The following CMTR1 variants were observed in gnomAD, a reference collection of about 807,000 sequenced individuals.
The protein encoded by CMTR1 is cap methyltransferase 1.
Under a neutral mutation model 107.0 loss-of-function variants are expected in CMTR1, and 39 were observed. That is an observed-to-expected ratio of 0.36 (90% CI 0.28 to 0.48). CMTR1 has a LOEUF of 0.48. CMTR1 is among the 20% of genes least tolerant of loss of function. CMTR1 has a pLI of 0.99. For missense variants in CMTR1, 672 were observed against 1,064.9 expected (o/e 0.63, Z 5.14); for synonymous variants, 366 against 379.5 (o/e 0.96, Z 0.41).
At chr6:37,461,807 C>CA in intron 11 of CMTR1, 162 bp downstream of exon 11, 4 of 896,376 alleles carry the variant, frequency 4.5e-6, no homozygotes, top group Non-Finnish European at 6.9e-6. Context: ...GTGGAATCCT[C>CA]AAAGTCCCCT....
chr6:37,479,571 T>C (rs2797792), intron 23 of CMTR1, among the ~76,000 whole-genome samples: 12,449 of 152,272 alleles, frequency 0.082, 1,629 homozygotes, highest in African/African-American at 0.27. Context: ...ACTGGCCTGA[T>C]GGTGGGAACC....
chr6:37,433,919 T>C (rs1771458404), intron 1 of CMTR1, among the ~76,000 whole-genome samples: 1 of 152,140 alleles, frequency 6.6e-6, no homozygotes, highest in Non-Finnish European at 1.5e-5. Context: ...AAATCTAAGG[T>C]GATGTGGTTT....
the CMTR1 span, among the ~76,000 whole-genome samples, chr6:37,426,739 C>A: frequency 1.6e-3 from 242 of 152,268 alleles, 1 homozygote; most frequent in Non-Finnish European, 2.7e-3. Context: ...CCTGGGCAGG[C>A]TCAGTCACTT....
intron 8 of CMTR1, among the ~76,000 whole-genome samples, chr6:37,457,320 G>C (rs1161615192): frequency 6.6e-6 from 1 of 152,094 alleles, no homozygotes; most frequent in Non-Finnish European, 1.5e-5. Flanking sequence ...AGTCAGTCCT[G>C]AGTTGGCTGG....
chr6:37,446,077 G>T (rs1195237561), intron 3 of CMTR1, among the ~76,000 whole-genome samples: 1 of 152,132 alleles, frequency 6.6e-6, no homozygotes, highest in Non-Finnish European at 1.5e-5. Flanking sequence ...ATTTCTGGTT[G>T]CCCTAGACTT....
chr6:37,455,559 C>A lies in CMTR1; in HGVS notation c.777+2247C>A, dbSNP rs1454297989. On this transcript the variant is annotated intron_variant, in intron 8 of 23. Coordinates refer to ENST00000373451, the MANE Select transcript of CMTR1 (RefSeq NM_015050.3). ...AAACTGTTACATTATGTCAGGGGTT[C>A]GAGTGCCTGGGAATGTTGTTGAGAC... Among the ~76,000 whole-genome samples, 11 of 152,100 alleles carry A rather than the reference C, an allele frequency of 7.2e-5. No homozygotes were observed. The East Asian group carries it at 2.1e-3, about 29-fold the overall frequency.
chr6:37,466,294 G>C (rs958546164), intron 13 of CMTR1, among the ~76,000 whole-genome samples: 4 of 151,694 alleles, frequency 2.6e-5, no homozygotes, highest in Admixed American at 2.0e-4. Flanking sequence ...TGTATTTTTG[G>C]TAGAGATGGA....
chr6:37,481,345 G>T lies in CMTR1; in HGVS notation c.*1200G>T. The T allele has an allele frequency of 4.2e-6, 5 of 1,194,890 alleles. No individual in the cohort carries two copies. Among genetic ancestry groups the T allele is most frequent in the Non-Finnish European group, 5.3e-6 (5 of 946,134 alleles). The allele number at this position is 1,194,890 out of a possible 1,614,324, so 74.0% of individuals were successfully genotyped here. A position where few individuals can be genotyped will look rare whatever the true frequency, so the allele number is the denominator to read the frequency against. On this transcript the variant is annotated 3_prime_UTR_variant, in exon 24 of 24. Coordinates refer to ENST00000373451, the MANE Select transcript of CMTR1 (RefSeq NM_015050.3). ...ATGGAGATAGGGCACTGAGGCTCCCGTGAGGTTGGAATCGACTTCACCATG... is the reference window on the plus strand; with the variant it reads ...ATGGAGATAGGGCACTGAGGCTCCCTTGAGGTTGGAATCGACTTCACCATG...
chr6:37,464,309 CA>C (rs1413234764), intron 13 of CMTR1, among the ~76,000 whole-genome samples: 15 of 151,140 alleles, frequency 9.9e-5, no homozygotes, highest in African/African-American at 3.4e-4. Context: ...ACTAAAAATT[CA>C]AAAAAAATTA....
At chr6:37,479,048 G>A in intron 22 of CMTR1, 99 bp from the exon 23 acceptor site, 1 of 776,402 alleles carries the variant, frequency 1.3e-6, no homozygotes, top group Non-Finnish European at 2.2e-6. Flanking sequence ...TTTGGTGGGA[G>A]GCAGGAATAG....
chr6:37,448,925 G>T (rs538655331), intron 4 of CMTR1, among the ~76,000 whole-genome samples: 1 of 152,244 alleles, frequency 6.6e-6, no homozygotes, highest in South Asian at 2.1e-4. Flanking sequence ...TGGGTCTCAG[G>T]CATCAGTACT....
chr6:37,451,668 A>G (rs985455971), intron 5 of CMTR1, 138 bp from the exon 6 acceptor site: 3 of 629,802 alleles, frequency 4.8e-6, no homozygotes, highest in Non-Finnish European at 5.6e-6. Context: ...TCTCTTTCCC[A>G]CCCTTCAGGG....
In CMTR1 at chr6:37,458,179, C is replaced by T. The variant is rs1314849178; in HGVS notation, c.778-433C>T. On this transcript the variant is annotated intron_variant, in intron 8 of 23. Transcript: ENST00000373451. This position sits in a 1 kb window ranked among gnomAD's most constrained non-coding sequence, Gnocchi z 4.7. ...AAGCAATTCTCATGCCTCAGCCTCC[C>T]GAGTAGCTGGGTTTACAGGTGTGCG... Among the ~76,000 whole-genome samples the T allele has an allele frequency of 2.6e-5, 4 of 152,038 alleles. No homozygotes were observed. Among genetic ancestry groups the T allele is most frequent in the South Asian group, 2.1e-4 (1 of 4,792 alleles).
intron 8 of CMTR1, among the ~76,000 whole-genome samples, chr6:37,456,126 C>G (rs1761288331): frequency 6.6e-6 from 1 of 152,206 alleles, no homozygotes. Flanking sequence ...CCCAGTCTTC[C>G]TTTGGACCAG....
At chr6:37,459,831 TA>T in intron 10 of CMTR1, 147 bp downstream of exon 10, 1 of 689,748 alleles carries the variant, frequency 1.4e-6, no homozygotes. Flanking sequence ...TTATTCTTTT[TA>T]TACATTTTTT....
At chr6:37,436,992 T>G (rs1771542853) in intron 2 of CMTR1, among the ~76,000 whole-genome samples, 1 of 152,158 alleles carries the variant, frequency 6.6e-6, no homozygotes, top group Non-Finnish European at 1.5e-5. Context: ...CATCAGCTGC[T>G]ACTGAGAAGC....
rs1471287025 is a variant in CMTR1 at position 37,481,288 on chromosome 6, T to A, written c.*1143T>A. On this transcript the variant is annotated 3_prime_UTR_variant, in exon 24 of 24. Transcript: ENST00000373451. The stretch of plus-strand genomic sequence containing the variant: ...CTCAGAGATGTTCATGCAGGCTCCC[T>A]AGGGCCCCATCCCAGTGCCAGGCTG... 1.6e-6 allele frequency: 2 copies of A among 1,234,954 alleles called. No homozygotes were observed. The highest frequency in any genetic ancestry group is 3.1e-5 in the African/African-American group (2 of 63,958). 76.5% of individuals were successfully genotyped at this position (1,234,954 alleles called of 1,614,324 possible). A position where few individuals can be genotyped will look rare whatever the true frequency, so the allele number is the denominator to read the frequency against.
In CMTR1 at chr6:37,456,959, A is replaced by G. The variant is rs139371613; in HGVS notation, c.778-1653A>G. 4.3e-3 allele frequency among the ~76,000 whole-genome samples: 652 copies of G among 152,106 alleles called. 5 individuals carry two copies. The highest frequency in any genetic ancestry group is 0.014 in the African/African-American group (576 of 41,492). Reference sequence around the variant, plus strand: ...AGCTAGGCTGGGCATGGTGACTTACACTTGTAATTCCAACACTGTGGGAGG... The same window carrying G: ...AGCTAGGCTGGGCATGGTGACTTACGCTTGTAATTCCAACACTGTGGGAGG... On this transcript the variant is annotated intron_variant, in intron 8 of 23. Transcript: ENST00000373451.
chr6:37,465,509 A>G (rs1480747751), intron 13 of CMTR1, among the ~76,000 whole-genome samples: 1 of 152,068 alleles, frequency 6.6e-6, no homozygotes, highest in Non-Finnish European at 1.5e-5. Flanking sequence ...TGTATATCTT[A>G]TTTTATGAAG....
Sources: allele counts gnomAD v4.1 joint callset (sites outside exome capture counted in the v4.1 genomes callset), GRCh38; gene constraint gnomAD v4.1.1; non-coding constraint Gnocchi (gnomAD v3.1); transcripts MANE v1.5; gene names NCBI Gene and HGNC (gene_info 2026-07-23, HGNC 2026-07-21).